ASXL2: variants seen among roughly 807,000 people sequenced by gnomAD.
ASXL2 encodes the protein putative Polycomb group protein ASXL2.
Under a neutral mutation model 122.0 loss-of-function variants are expected in ASXL2, and 23 were observed. The observed-to-expected ratio is 0.19, with a 90% CI of 0.14 to 0.27. The LOEUF (loss-of-function observed/expected upper bound fraction) is 0.27. ASXL2 is among the 10% of genes least tolerant of loss of function. ASXL2 has a pLI of 1.00. For synonymous variants in ASXL2, 650 were observed against 637.0 expected, an observed-to-expected ratio of 1.02 and a Z score of -0.31; for missense variants, 1,518 against 1,713.8, an observed-to-expected ratio of 0.89 and a Z score of 2.02.
chr2:25,783,144 A>C (rs1020814831), intron 5 of ASXL2, among the ~76,000 whole-genome samples: 1 of 152,120 alleles, frequency 6.6e-6, no homozygotes, highest in African/African-American at 2.4e-5. Flanking sequence ...AAATAAATAA[A>C]TAAAAATTAA....
chr2:25,747,119 ATTTTC>A (rs1321725718), intron 12 of ASXL2, among the ~76,000 whole-genome samples: 16 of 152,130 alleles, frequency 1.1e-4, no homozygotes, highest in Non-Finnish European at 2.4e-4. Context: ...TTTGTATTTA[ATTTTC>A]TTTTCCAAAT....
Position 25,740,114 on chromosome 2 carries a change from C to A in ASXL2, c.*1915G>T, listed in dbSNP as rs893443653. 1.8e-5 allele frequency: 4 copies of A among 225,608 alleles called. No homozygotes were observed. The highest frequency in any genetic ancestry group is 2.2e-5 in the African/African-American group (1 of 44,948). 14.0% of individuals were successfully genotyped at this position (225,608 alleles called of 1,614,324 possible). On this transcript the variant is annotated 3_prime_UTR_variant, in exon 13 of 13. Transcript: ENST00000435504. ...TGCTGGAAGAAAGGAGAAAGATGGA[C>A]AGACATATCGTTCTGGCTGAAGCTG...
intron 1 of ASXL2, among the ~76,000 whole-genome samples, chr2:25,870,717 CAAGT>C (rs1361517350): frequency 1.3e-5 from 2 of 151,988 alleles, no homozygotes; most frequent in Admixed American, 6.6e-5. Flanking sequence ...ATTAAATACA[CAAGT>C]AATGACACGA....
chr2:25,830,883 T>G (rs1224064018), intron 3 of ASXL2: 1 of 152,030 alleles, frequency 6.6e-6, no homozygotes, highest in Non-Finnish European at 1.5e-5. Flanking sequence ...TCAATACAAT[T>G]TACTCAATGT....
rs1396753511 is a variant in ASXL2 at position 25,740,354 on chromosome 2, A to C, written c.*1675T>G. 3 of 224,716 alleles carry C rather than the reference A, an allele frequency of 1.3e-5. No individual in the cohort carries two copies. The highest frequency in any genetic ancestry group is 6.7e-5 in the African/African-American group (3 of 44,858). 13.9% of individuals were successfully genotyped at this position (224,716 alleles called of 1,614,324 possible). A position where few individuals can be genotyped will look rare whatever the true frequency, so the allele number is the denominator to read the frequency against. ...TATTGCCCATTTTCTCCTAATCTGG[A>C]ATGTGACTTAACAAGTTTAAACTGT... On this transcript the variant is annotated 3_prime_UTR_variant, in exon 13 of 13. Coordinates refer to ENST00000435504, the MANE Select transcript of ASXL2 (RefSeq NM_018263.6).
chr2:25,878,049 G>C, intron 1 of ASXL2, 117 bp downstream of exon 1: 1 of 1,284,072 alleles, frequency 7.8e-7, no homozygotes, highest in South Asian at 1.2e-5. Context: ...CCCTCTCCGC[G>C]CGGTTTTGTG....
intron 5 of ASXL2, among the ~76,000 whole-genome samples, chr2:25,794,772 C>T (rs1255046525): frequency 2.0e-5 from 3 of 152,094 alleles, no homozygotes; most frequent in African/African-American, 7.2e-5. Context: ...TCCTGTCTTA[C>T]AATGCATTTG....
chr2:25,873,153 T>G (rs1018402695), intron 1 of ASXL2, among the ~76,000 whole-genome samples: 2 of 151,624 alleles, frequency 1.3e-5, no homozygotes, highest in South Asian at 2.1e-4. Flanking sequence ...CTTTGCATCC[T>G]CATAGCTTAG....
At chr2:25,745,141 G>A (rs979950228) in intron 12 of ASXL2, among the ~76,000 whole-genome samples, 6 of 151,538 alleles carry the variant, frequency 4.0e-5, no homozygotes, top group East Asian at 1.9e-4. Context: ...ATTTACTTGC[G>A]CAATTTTAAA....
At chr2:25,821,512 C>T (rs1377121628) in intron 3 of ASXL2, among the ~76,000 whole-genome samples, 1 of 152,042 alleles carries the variant, frequency 6.6e-6, no homozygotes, top group East Asian at 1.9e-4. Context: ...GCCTATAATC[C>T]CAGCACTTTG....
chr2:25,752,973 T>TA (rs2149142557), intron 11 of ASXL2, among the ~76,000 whole-genome samples: 1 of 149,274 alleles, frequency 6.7e-6, no homozygotes, highest in Non-Finnish European at 1.5e-5. Flanking sequence ...AGAAATGTAT[T>TA]TTTTTTTTTT....
intron 6 of ASXL2, among the ~76,000 whole-genome samples, chr2:25,771,175 G>C (rs1162168827): frequency 6.6e-6 from 1 of 152,214 alleles, no homozygotes; most frequent in Non-Finnish European, 1.5e-5. Flanking sequence ...AGCAGACGTT[G>C]CAGTGAGCTG....
At chr2:25,755,191 T>A (rs985563295) in intron 10 of ASXL2, among the ~76,000 whole-genome samples, 16 of 152,250 alleles carry the variant, frequency 1.1e-4, no homozygotes, top group African/African-American at 3.9e-4. Context: ...GTTTTACTTA[T>A]GTCTGCATAT....
At chr2:25,768,412 T>C (rs1024330968) in intron 7 of ASXL2, among the ~76,000 whole-genome samples, 1 of 152,138 alleles carries the variant, frequency 6.6e-6, no homozygotes, top group Non-Finnish European at 1.5e-5. Flanking sequence ...CAACCAATCC[T>C]CCCACCTCAG....
In ASXL2 at chr2:25,744,480, AAAG is replaced by A; in HGVS notation, c.1861-7_1861-5del. The A allele has an allele frequency of 6.3e-7, 1 of 1,586,638 alleles. No homozygotes were observed. The highest frequency in any genetic ancestry group is 1.1e-5 in the South Asian group (1 of 88,558). ...GGGAGATTCTGGAGACCGGGATCTG[AAAG>A]AAGTAGAGGGGAAAAAAACAACAGA... On this transcript the variant is annotated splice_region_variant and splice_polypyrimidine_tract_variant and intron_variant, in intron 12 of 12. Transcript: ENST00000435504. This position sits in a 1 kb window ranked among gnomAD's most constrained non-coding sequence, Gnocchi z 4.7.
chr2:25,853,089 C>T (rs1664330205), intron 1 of ASXL2, among the ~76,000 whole-genome samples: 1 of 152,178 alleles, frequency 6.6e-6, no homozygotes, highest in Non-Finnish European at 1.5e-5. Flanking sequence ...TCCCATCTTC[C>T]CCCTTTCCAC....
chr2:25,853,467 A>T (rs1462433199), intron 1 of ASXL2, among the ~76,000 whole-genome samples: 1 of 152,092 alleles, frequency 6.6e-6, no homozygotes, highest in East Asian at 1.9e-4. Flanking sequence ...CCTCTCTACT[A>T]GCAACTTCCT....
intron 1 of ASXL2, among the ~76,000 whole-genome samples, chr2:25,861,331 G>T (rs943577760): frequency 6.6e-6 from 1 of 152,094 alleles, no homozygotes; most frequent in Admixed American, 6.5e-5. Flanking sequence ...AAGAAATCTT[G>T]AACAATTCTA....
At chr2:25,811,883 C>T (rs1425967638) in intron 3 of ASXL2, among the ~76,000 whole-genome samples, 1 of 152,040 alleles carries the variant, frequency 6.6e-6, no homozygotes, top group African/African-American at 2.4e-5. Flanking sequence ...TCCTGAGTAG[C>T]TGGGATTAGA....
Sources: gnomAD v4.1 joint callset for allele counts (sites outside exome capture counted in the v4.1 genomes callset) on GRCh38, gnomAD v4.1.1 for gene constraint, Gnocchi (gnomAD v3.1) non-coding constraint, MANE v1.5 for transcripts, NCBI Gene and HGNC (gene_info 2026-07-23, HGNC 2026-07-21) for gene names.